Variants in TECTA observed in about 807,000 individuals in gnomAD.
TECTA encodes alpha-tectorin.
Under a neutral mutation model 216.8 loss-of-function variants are expected in TECTA, and 128 were observed. The ratio of observed to expected loss-of-function variants is 0.59; its 90% CI spans 0.51 to 0.68. The LOEUF (loss-of-function observed/expected upper bound fraction) is 0.68, where lower values mean the gene tolerates loss of function less well. Ranked by LOEUF, TECTA falls within the 30% of genes least tolerant of loss-of-function variation. TECTA has a pLI of 0.00. For synonymous variants in TECTA, 1,089 were observed against 1,117.1 expected (o/e 0.97, Z 0.50); for missense variants, 2,551 against 2,786.2 (o/e 0.92, Z 1.90).
rs202079138 is a variant in TECTA, at chr11:121,168,834, G to A, written c.5908G>A (p.Ala1970Thr). The stretch of plus-strand genomic sequence containing the variant: ...AGGGGTTTTTGTGGTTGGAGCTGAC[G>A]CCACACATTTAATCCTAACACTCAA... ...YVGVFVVGADATHLILTLNKC... is the reference protein window; with the variant it reads ...YVGVFVVGADTTHLILTLNKC... The change falls in exon 20 of 24, where the codon GCC becomes ACC. Residue 1970 changes from alanine to threonine, a missense_variant. Around this residue, in one of 3 missense-constraint regions of TECTA, gnomAD observed 2,375 missense variants for 2,563.9 expected, o/e 0.93. Coordinates refer to ENST00000392793, the MANE Select transcript of TECTA (RefSeq NM_005422.4). 55 of 1,614,066 alleles carry A rather than the reference G, an allele frequency of 3.4e-5. No individual in the cohort carries two copies. In the East Asian group the frequency reaches 1.0e-3, roughly 31 times the overall value.
At chr11:121,132,865 G>T (rs771661074) in intron 10 of TECTA, among the ~76,000 whole-genome samples, 2 of 152,088 alleles carry the variant, frequency 1.3e-5, no homozygotes, top group African/African-American at 4.8e-5. Flanking sequence ...GAGATTACAG[G>T]TGCCTGCCAC....
Position 121,130,737 on chromosome 11 carries a change from T to C in TECTA, c.2941+526T>C, listed in dbSNP as rs550371989. ...TGCAGTGGCAAGTACTAGTAGTAAT[T>C]AGAAAACTTTCTGGGAAGACCTGAT... On this transcript the variant is annotated intron_variant, in intron 10 of 23. Transcript: ENST00000392793. Among the ~76,000 whole-genome samples, 320 of 152,336 alleles carry C rather than the reference T, an allele frequency of 2.1e-3. 3 individuals carry two copies. The highest frequency in any genetic ancestry group is 3.2e-3 in the Non-Finnish European group (215 of 68,030).
At chr11:121,132,479 T>C (rs1228421956) in intron 10 of TECTA, among the ~76,000 whole-genome samples, 2 of 152,154 alleles carry the variant, frequency 1.3e-5, no homozygotes, top group East Asian at 1.9e-4. Context: ...TGGAGCGTAG[T>C]GTTGAGGAGA....
At position 121,153,073 on chromosome 11, in the gene TECTA, A is replaced by C. The variant is rs759948057; in HGVS notation, c.4298A>C (p.Tyr1433Ser). 1.2e-6 allele frequency: 2 copies of C among 1,613,502 alleles called. No homozygotes were observed. The highest frequency in any genetic ancestry group is 1.7e-6 in the Non-Finnish European group (2 of 1,179,786). Residue 1433 changes from tyrosine (Y) to serine (S), a missense_variant, in exon 13 of 24, where the codon TAT becomes TCT. Coordinates refer to ENST00000392793, the MANE Select transcript of TECTA (RefSeq NM_005422.4). ...HSCGCYSDGKYYEPKQLFWNS... is the reference protein window; with the variant it reads ...HSCGCYSDGKSYEPKQLFWNS... ...TGCGGCTGCTACTCCGATGGCAAATATTACGAGGTATGGGAGGCCAGCCCG... is the reference window on the plus strand; with the variant it reads ...TGCGGCTGCTACTCCGATGGCAAATCTTACGAGGTATGGGAGGCCAGCCCG...
intron 14 of TECTA, 80 bp from the exon 15 acceptor site, chr11:121,160,055 A>AT (rs1441100731): frequency 6.3e-7 from 1 of 1,585,384 alleles, no homozygotes; most frequent in African/African-American, 1.3e-5. Context: ...CACCCAAAAT[A>AT]TTTTCCCTGG....
chr11:121,107,250 G>A (rs1302205994), intron 3 of TECTA, among the ~76,000 whole-genome samples: 2 of 152,216 alleles, frequency 1.3e-5, no homozygotes, highest in East Asian at 1.9e-4. Flanking sequence ...AGTTAAGCTA[G>A]TTTTTCTTCT....
At position 121,113,880 on chromosome 11, in the gene TECTA, C is replaced by G. The variant is rs1946470417; in HGVS notation, c.790+162C>G. 6.6e-6 allele frequency among the ~76,000 whole-genome samples: 1 copy of G among 152,210 alleles called. No homozygotes were observed. Among genetic ancestry groups the G allele is most frequent in the Admixed American group, 6.5e-5 (1 of 15,276 alleles). On this transcript the variant is annotated intron_variant, in intron 6 of 23. Coordinates refer to ENST00000392793, the MANE Select transcript of TECTA (RefSeq NM_005422.4). The surrounding 1 kb of genome is among the most constrained non-coding windows in gnomAD (Gnocchi z 4.2). The stretch of plus-strand genomic sequence containing the variant: ...AGGTAATTTTAGCATGTGCATTCAT[C>G]ACATCAGAAGCTAAAACACTGCATT...
rs1458677810 is a variant in TECTA at position 121,105,912 on chromosome 11, T to C, written c.146T>C (p.Ile49Thr). 1 of 1,614,202 alleles carries C rather than the reference T, an allele frequency of 6.2e-7. No homozygotes were observed. The highest frequency in any genetic ancestry group is 8.5e-7 in the Non-Finnish European group (1 of 1,180,044). ...GTAGATGATGGAAGCTCATCTGAGA[T>C]TAAGTTGGCCATCCCAGTTTTCTTC... ...PKVDDGSSSE[I>T]KLAIPVFFFG... Residue 49 changes from isoleucine (I) to threonine (T), a missense_variant, in exon 3 of 24, where the codon ATT (isoleucine) becomes ACT (threonine). By Grantham distance (89) the Ile-to-Thr change is moderately conservative. Transcript: ENST00000392793. The surrounding 1 kb of genome is among the most constrained non-coding windows in gnomAD (Gnocchi z 5.3).
intron 10 of TECTA, among the ~76,000 whole-genome samples, chr11:121,137,101 C>T (rs1443478499): frequency 6.6e-6 from 1 of 152,226 alleles, no homozygotes; most frequent in Admixed American, 6.5e-5. Flanking sequence ...TACAGAGGCA[C>T]ACACATGCAA....
chr11:121,139,074 C>T (rs1008743998), intron 11 of TECTA, among the ~76,000 whole-genome samples: 1 of 152,232 alleles, frequency 6.6e-6, no homozygotes, highest in Non-Finnish European at 1.5e-5. Context: ...GAGAGATTCC[C>T]AAGCCTCTTG....
intron 15 of TECTA, 74 bp downstream of exon 15, chr11:121,160,495 G>C (rs1946988510): frequency 6.3e-7 from 1 of 1,583,712 alleles, no homozygotes; most frequent in South Asian, 1.1e-5. Context: ...GTGTGAATGA[G>C]GAATGCCTTT....
rs151056317 is a variant in TECTA at position 121,160,323 on chromosome 11, C to T, written c.4878C>T (p.Asn1626=). The T allele has an allele frequency of 2.7e-4, 430 of 1,614,000 alleles. No individual in the cohort carries two copies. The highest frequency in any genetic ancestry group is 3.5e-4 in the Non-Finnish European group (412 of 1,180,040). ...TGTGCGGTCTCTGTGGCAACTTCAA[C>T]GGGGACCTAACAGATGATTATGTGA... is the stretch of plus-strand genomic sequence containing the variant. The part of the protein sequence containing the change: ...NKVCGLCGNF[N]GDLTDDYVTL... Residue 1626 remains asparagine, a synonymous_variant, in exon 15 of 24, where the codon AAC becomes AAT. Transcript: ENST00000392793.
chr11:121,184,873 C>T (rs1168956917), intron 20 of TECTA, among the ~76,000 whole-genome samples: 1 of 152,138 alleles, frequency 6.6e-6, no homozygotes, highest in Non-Finnish European at 1.5e-5. Flanking sequence ...TACTTGGTGT[C>T]CTGCAGGCCT....
chr11:121,109,573 G>A, intron 4 of TECTA, 75 bp downstream of exon 4: 3 of 1,547,792 alleles, frequency 1.9e-6, no homozygotes, highest in Non-Finnish European at 2.7e-6. Flanking sequence ...TACCACGAAG[G>A]AGTCTAATTA....
intron 20 of TECTA, among the ~76,000 whole-genome samples, chr11:121,172,125 A>C (rs1219158481): frequency 6.6e-6 from 1 of 152,140 alleles, no homozygotes; most frequent in African/African-American, 2.4e-5. Context: ...GAATTTTATC[A>C]AATGCTTTTT....
At chr11:121,178,232 A>T (rs1338606277) in intron 20 of TECTA, among the ~76,000 whole-genome samples, 2 of 152,156 alleles carry the variant, frequency 1.3e-5, no homozygotes, top group Non-Finnish European at 2.9e-5. Context: ...TGAACCCAGT[A>T]CCTCAGATGG....
In TECTA at chr11:121,162,308, A is replaced by G. The variant is rs755466561; in HGVS notation, c.5210A>G (p.Tyr1737Cys). ...CAGCTGTGCGGCTCCCTGGCCGCCT[A>G]CGGGGAGGCCTGCCGCTCCTTCGGG... ...KFQLCGSLAA[Y>C]GEACRSFGIL... Residue 1737 changes from tyrosine (Y) to cysteine (C), a missense_variant, in exon 16 of 24, where the codon TAC becomes TGC. Physicochemically the swap from Tyr to Cys is radical, Grantham distance 194 (BLOSUM62 -2). Coordinates refer to ENST00000392793, the MANE Select transcript of TECTA (RefSeq NM_005422.4). 1.2e-6 allele frequency: 2 copies of G among 1,613,242 alleles called. No individual in the cohort carries two copies. Among genetic ancestry groups the G allele is most frequent in the East Asian group, 2.2e-5 (1 of 44,890 alleles).
rs141017328 is a variant in TECTA, at chr11:121,131,269, C to T, written c.2941+1058C>T. On this transcript the variant is annotated intron_variant, in intron 10 of 23. Coordinates refer to ENST00000392793, the MANE Select transcript of TECTA (RefSeq NM_005422.4). ...CCCTGACGGCTATTTATCTGTCCTC[C>T]GTTTTTAATTGGCAAAAGTATTTTT... is the stretch of plus-strand genomic sequence containing the variant. 6.6e-5 allele frequency among the ~76,000 whole-genome samples: 10 copies of T among 150,952 alleles called. No individual in the cohort carries two copies. In the East Asian group the frequency reaches 1.7e-3, roughly 26 times the overall value.
At position 121,189,862 on chromosome 11, in the gene TECTA, G is replaced by A. The variant is rs749622192; in HGVS notation, c.6349G>A (p.Asp2117Asn). Residue 2117 changes from aspartate (D) to asparagine (N), a missense_variant, in exon 23 of 24, where the codon GAC becomes AAC. Coordinates refer to ENST00000392793, the MANE Select transcript of TECTA (RefSeq NM_005422.4). ...CSCVTGTLQE[D>N]GKSCRASNSS... ...CTGTGTAACAGGAACCCTGCAGGAGGACGGCAAGAGCTGCAGAGGTAGACA... is the reference window on the plus strand; with the variant it reads ...CTGTGTAACAGGAACCCTGCAGGAGAACGGCAAGAGCTGCAGAGGTAGACA... The A allele has an allele frequency of 1.9e-6, 3 of 1,613,090 alleles. No homozygotes were observed. The African/African-American group carries it at 4.0e-5, about 22-fold the overall frequency.
Sources: allele counts gnomAD v4.1 joint callset (sites outside exome capture counted in the v4.1 genomes callset), GRCh38; gene constraint gnomAD v4.1.1; regional missense constraint gnomAD v4.1.1; non-coding constraint Gnocchi (gnomAD v3.1); transcripts MANE v1.5; gene names NCBI Gene and HGNC (gene_info 2026-07-23, HGNC 2026-07-21).